ERG: variants seen among roughly 807,000 people sequenced by gnomAD.
ERG encodes the protein transcriptional regulator ERG.
ERG carries 9 observed loss-of-function variants against 55.3 expected under a neutral mutation model. The observed-to-expected ratio is 0.16, with a 90% CI of 0.10 to 0.28. ERG has a LOEUF of 0.28. Ranked by LOEUF, ERG falls within the 10% of genes least tolerant of loss-of-function variation. The pLI is 1.00. For synonymous variants in ERG, 223 were observed against 237.3 expected, an observed-to-expected ratio of 0.94 and a Z score of 0.55; for missense variants, 434 against 631.6, an observed-to-expected ratio of 0.69 and a Z score of 3.35.
chr21:38,574,558 T>C (rs527404104), intron 2 of ERG, among the ~76,000 whole-genome samples: 1 of 152,360 alleles, frequency 6.6e-6, no homozygotes, highest in South Asian at 2.1e-4. Context: ...TGTGTGTGTA[T>C]GTGAGCTGCA....
At chr21:38,605,439 A>G (rs1408418013) in intron 1 of ERG, among the ~76,000 whole-genome samples, 1 of 151,432 alleles carries the variant, frequency 6.6e-6, no homozygotes, top group African/African-American at 2.4e-5. Context: ...AATGCTAGAG[A>G]AAATCTAACC....
intron 2 of ERG, among the ~76,000 whole-genome samples, chr21:38,506,767 C>G (rs1031446942): frequency 6.6e-6 from 1 of 152,064 alleles, no homozygotes; most frequent in African/African-American, 2.4e-5. Context: ...AGTTGTTTGT[C>G]TGTGTTCACG....
intron 6 of ERG, among the ~76,000 whole-genome samples, chr21:38,392,862 T>C (rs2836362): frequency 0.28 from 42,367 of 152,148 alleles, 6,261 homozygotes; most frequent in South Asian, 0.36. Context: ...TTGAGGTCTG[T>C]TCCTAAATCA....
At chr21:38,646,279 T>TTA (rs1482029772) in intron 1 of ERG, among the ~76,000 whole-genome samples, 13 of 110,302 alleles carry the variant, frequency 1.2e-4, no homozygotes, top group African/African-American at 3.7e-4. Flanking sequence ...AGTCTCTGTC[T>TTA]AAAAAAAAAA....
intron 3 of ERG, among the ~76,000 whole-genome samples, chr21:38,406,552 C>T (rs1006552773): frequency 6.6e-6 from 1 of 152,120 alleles, no homozygotes; most frequent in Non-Finnish European, 1.5e-5. Flanking sequence ...AGAGAGAAGA[C>T]CCCCCATCCT....
the ERG span, chr21:38,367,708 A>C: frequency 2.0e-6 from 1 of 489,860 alleles, no homozygotes. Flanking sequence ...ATCATAGGCG[A>C]CCCATATTAG....
the ERG span, among the ~76,000 whole-genome samples, chr21:38,374,899 T>G: frequency 2.6e-5 from 4 of 152,178 alleles, no homozygotes; most frequent in Admixed American, 2.0e-4. Context: ...CTCCTGAAGA[T>G]TGTTTTCTGA....
intron 2 of ERG, among the ~76,000 whole-genome samples, chr21:38,553,050 C>T (rs1231278653): frequency 2.0e-5 from 3 of 152,004 alleles, no homozygotes; most frequent in Non-Finnish European, 4.4e-5. Context: ...TCAACAATGT[C>T]CAAGCTGAGA....
upstream of ERG, among the ~76,000 whole-genome samples, chr21:38,589,575 C>A (rs2060087423): frequency 6.6e-6 from 1 of 152,152 alleles, no homozygotes; most frequent in Non-Finnish European, 1.5e-5. Flanking sequence ...CAGTCTAACA[C>A]TCGGGGAAGC....
Position 38,391,642 on chromosome 21 carries a change from C to A in ERG, c.871+17G>T. The stretch of plus-strand genomic sequence containing the variant: ...GAATCTTCTCTTATGGTTATCCAGA[C>A]GGCCCCTGAAACATACCTAACTGAG... On this transcript the variant is annotated intron_variant, in intron 8 of 9. Coordinates refer to ENST00000288319, the MANE Select transcript of ERG (RefSeq NM_182918.4). 1 of 1,602,990 alleles carries A rather than the reference C, an allele frequency of 6.2e-7. No homozygotes were observed. The highest frequency in any genetic ancestry group is 8.5e-7 in the Non-Finnish European group (1 of 1,172,944).
At chr21:38,508,006 CACAGAGACACACAA>C (rs1568866365) in intron 2 of ERG, among the ~76,000 whole-genome samples, 6 of 70,272 alleles carry the variant, frequency 8.5e-5, no homozygotes, top group Non-Finnish European at 1.6e-4. Context: ...CATGCACACA[CACAGAGACACACAA>C]ACACACATGC....
At chr21:38,560,487 G>A (rs887821895) in intron 2 of ERG, among the ~76,000 whole-genome samples, 2 of 152,134 alleles carry the variant, frequency 1.3e-5, no homozygotes, top group African/African-American at 2.4e-5. Context: ...AGACCTCCCC[G>A]TTGGGTTGGT....
At chr21:38,623,835 A>C (rs1345571125) in intron 1 of ERG, among the ~76,000 whole-genome samples, 4 of 152,198 alleles carry the variant, frequency 2.6e-5, no homozygotes, top group Non-Finnish European at 5.9e-5. Flanking sequence ...TAAATAAACA[A>C]GGCAATACCT....
At chr21:38,398,974 A>AT (rs977852858) in intron 6 of ERG, among the ~76,000 whole-genome samples, 2 of 152,224 alleles carry the variant, frequency 1.3e-5, no homozygotes, top group African/African-American at 4.8e-5. Flanking sequence ...AATAGTTTTT[A>AT]TTTTTTTAGT....
At chr21:38,610,824 C>T (rs1218611443) in intron 1 of ERG, among the ~76,000 whole-genome samples, 2 of 152,210 alleles carry the variant, frequency 1.3e-5, no homozygotes, top group African/African-American at 2.4e-5. Flanking sequence ...AGGTCCTACA[C>T]ACAATGCAAG....
At chr21:38,642,482 A>G (rs1444590558) in intron 1 of ERG, among the ~76,000 whole-genome samples, 1 of 152,210 alleles carries the variant, frequency 6.6e-6, no homozygotes, top group Admixed American at 6.5e-5. Flanking sequence ...ATCCATATAC[A>G]CAGACCCACT....
chr21:38,505,722 C>T (rs1454845804), intron 2 of ERG, among the ~76,000 whole-genome samples: 1 of 152,168 alleles, frequency 6.6e-6, no homozygotes, highest in Non-Finnish European at 1.5e-5. Flanking sequence ...TTATTTACAG[C>T]TACAAAAATA....
At chr21:38,549,541 G>T (rs777535778) in intron 2 of ERG, among the ~76,000 whole-genome samples, 1 of 152,190 alleles carries the variant, frequency 6.6e-6, no homozygotes, top group Non-Finnish European at 1.5e-5. Context: ...TGTCCTGATT[G>T]TTGGGGTTTA....
intron 2 of ERG, among the ~76,000 whole-genome samples, chr21:38,562,449 C>T (rs2059898483): frequency 6.6e-6 from 1 of 152,106 alleles, no homozygotes; most frequent in South Asian, 2.1e-4. Flanking sequence ...GCAGAACCAG[C>T]AGCACCTGGG....
Sources: allele counts gnomAD v4.1 joint callset (sites outside exome capture counted in the v4.1 genomes callset), GRCh38; gene constraint gnomAD v4.1.1; transcripts MANE v1.5; gene names NCBI Gene and HGNC (gene_info 2026-07-23, HGNC 2026-07-21).